Variants in AAGAB observed in about 807,000 individuals in gnomAD.
AAGAB encodes the protein alpha and gamma adaptin binding protein.
In AAGAB, 38 loss-of-function variants were observed where a neutral mutation model predicts 44.1. The ratio of observed to expected loss-of-function variants is 0.86; its 90% CI spans 0.67 to 1.13. AAGAB has a LOEUF of 1.13. AAGAB is among the 50% of genes most tolerant of loss of function. The probability of loss-of-function intolerance (pLI) is 0.00; values close to 1 mark genes in which losing one functional copy is unlikely to be tolerated. For synonymous variants in AAGAB, 131 were observed against 131.8 expected (o/e 0.99, Z 0.04); for missense variants, 450 against 373.8 (o/e 1.20, Z -1.68).
At position 67,237,644 on chromosome 15, in the gene AAGAB, G is replaced by A. The variant is rs145483342; in HGVS notation, c.74-824C>T. Among the ~76,000 whole-genome samples the A allele has an allele frequency of 9.9e-5, 15 of 152,230 alleles. No individual in the cohort carries two copies. In the East Asian group the frequency reaches 2.9e-3, roughly 29 times the overall value. On this transcript the variant is annotated intron_variant, in intron 1 of 9. Transcript: ENST00000261880. ...TGTTATACAGTATTTACAACTGGAAGAGAAGTTAGAAGTTGTTCCAACCTA... is the reference window on the plus strand; with the variant it reads ...TGTTATACAGTATTTACAACTGGAAAAGAAGTTAGAAGTTGTTCCAACCTA...
chr15:67,203,496 T>A, intron 9 of AAGAB, 52 bp downstream of exon 9: 1 of 1,457,730 alleles, frequency 6.9e-7, no homozygotes, highest in Non-Finnish European at 9.5e-7. Flanking sequence ...ATTATAATAA[T>A]AGCACTGGAC....
intron 5 of AAGAB, among the ~76,000 whole-genome samples, chr15:67,219,508 T>C (rs755554047): frequency 1.3e-5 from 2 of 152,186 alleles, no homozygotes; most frequent in Non-Finnish European, 2.9e-5. Flanking sequence ...TCATGTCCTT[T>C]ACAGCAGCAT....
intron 7 of AAGAB, among the ~76,000 whole-genome samples, chr15:67,205,764 G>A (rs1366086387): frequency 6.6e-6 from 1 of 152,178 alleles, no homozygotes; most frequent in Non-Finnish European, 1.5e-5. Context: ...ACAGACATGA[G>A]TGAGGTGAGG....
At position 67,203,587 on chromosome 15, in the gene AAGAB, C is replaced by A. The variant is rs749299363; in HGVS notation, c.831G>T (p.Ala277=). 2.2e-5 allele frequency: 36 copies of A among 1,613,430 alleles called. No individual in the cohort carries two copies. Among genetic ancestry groups the A allele is most frequent in the Middle Eastern group, 3.3e-4 (2 of 6,080 alleles). Residue 277 remains alanine (A), a synonymous_variant, in exon 9 of 10, where the codon GCG becomes GCT. Coordinates refer to ENST00000261880, the MANE Select transcript of AAGAB (RefSeq NM_024666.5). ...CTTTTCTTTGCTCATGAGGAAGCGT[C>A]GCAGCCTTGTCTAGGGGGAAAATAT... The part of the protein sequence containing the change: ...SKLKEMKDKA[A]TLPHEQRKVH...
chr15:67,241,125 T>C (rs139913033), intron 1 of AAGAB, among the ~76,000 whole-genome samples: 18 of 152,060 alleles, frequency 1.2e-4, no homozygotes, highest in Middle Eastern at 3.4e-3. Context: ...TGTCCTCACC[T>C]ATCCACCTCA....
At chr15:67,255,069 C>CG, upstream of AAGAB, 1 of 965,478 alleles carries the variant, frequency 1.0e-6, no homozygotes, top group Non-Finnish European at 1.6e-6. Flanking sequence ...CCCTCCAACT[C>CG]GCGAGAGGCT....
intron 5 of AAGAB, among the ~76,000 whole-genome samples, chr15:67,216,628 A>C (rs1429799224): frequency 1.3e-5 from 2 of 151,938 alleles, no homozygotes; most frequent in East Asian, 3.9e-4. Context: ...GTTGTAAAGG[A>C]AAGCTTTATT....
chr15:67,250,222 G>A (rs575271615), intron 1 of AAGAB, among the ~76,000 whole-genome samples: 1 of 152,084 alleles, frequency 6.6e-6, no homozygotes, highest in Non-Finnish European at 1.5e-5. Flanking sequence ...TGTCACCCAG[G>A]GTGGTGTGCA....
chr15:67,241,449 C>G (rs1964597302), intron 1 of AAGAB, among the ~76,000 whole-genome samples: 1 of 152,224 alleles, frequency 6.6e-6, no homozygotes, highest in Non-Finnish European at 1.5e-5. Context: ...CATAACCTCT[C>G]ACCCCAGATA....
chr15:67,247,122 G>C (rs1025294817), intron 1 of AAGAB, among the ~76,000 whole-genome samples: 2 of 152,046 alleles, frequency 1.3e-5, no homozygotes, highest in African/African-American at 2.4e-5. Context: ...CCACCTTTAA[G>C]AGCTGTAACA....
In AAGAB at chr15:67,254,595, A is replaced by G; in HGVS notation, c.37T>C (p.Cys13Arg). ...AGVPCALVTS[C>R]SSVFSGDQLV... ...TGGTCTCCTGAGAAGACGGAGGAGC[A>G]GCTGGTGACTAACGCACAGGGTACG... The change falls in exon 1 of 10, where the codon TGC (cysteine) becomes CGC (arginine). Residue 13 changes from cysteine (C) to arginine (R), a missense_variant. Cys to Arg is a radical substitution (Grantham distance 180). Transcript: ENST00000261880. 1.2e-6 allele frequency: 2 copies of G among 1,609,820 alleles called. No homozygotes were observed. Among genetic ancestry groups the G allele is most frequent in the Non-Finnish European group, 1.7e-6 (2 of 1,179,068 alleles).
At chr15:67,216,300 G>A (rs1393248546) in intron 5 of AAGAB, among the ~76,000 whole-genome samples, 1 of 151,688 alleles carries the variant, frequency 6.6e-6, no homozygotes, top group Non-Finnish European at 1.5e-5. Flanking sequence ...AAATTAGCTG[G>A]GCGTGGTGGC....
At chr15:67,241,040 T>TACACATACACACACAC (rs1555420147) in intron 1 of AAGAB, among the ~76,000 whole-genome samples, 2 of 147,076 alleles carry the variant, frequency 1.4e-5, no homozygotes, top group Non-Finnish European at 3.0e-5. Flanking sequence ...TCTGTTCTCC[T>TACACATACACACACAC]ACACACACAC....
chr15:67,254,406 G>A, intron 1 of AAGAB, 153 bp downstream of exon 1: 2 of 1,427,904 alleles, frequency 1.4e-6, no homozygotes, highest in South Asian at 1.6e-5. Flanking sequence ...AGAGATAGGG[G>A]CAGCCACCTG....
intron 8 of AAGAB, 56 bp downstream of exon 8, chr15:67,203,988 C>T (rs938657650): frequency 1.8e-5 from 20 of 1,107,248 alleles, no homozygotes; most frequent in Non-Finnish European, 2.3e-5. Context: ...AATGCTACTA[C>T]GTAAAACAGA....
intron 1 of AAGAB, among the ~76,000 whole-genome samples, chr15:67,237,305 C>G (rs1596007454): frequency 6.6e-6 from 1 of 152,212 alleles, no homozygotes. Flanking sequence ...GGACTGAATG[C>G]TTAGACATTA....
intron 5 of AAGAB, among the ~76,000 whole-genome samples, chr15:67,225,118 G>C (rs926600715): frequency 4.6e-5 from 7 of 152,194 alleles, no homozygotes; most frequent in Non-Finnish European, 1.0e-4. Context: ...GGCTCAGGTA[G>C]CATAGGTTTT....
chr15:67,228,565 G>A (rs573509454), intron 5 of AAGAB, among the ~76,000 whole-genome samples: 2 of 152,320 alleles, frequency 1.3e-5, no homozygotes, highest in African/African-American at 4.8e-5. Flanking sequence ...AAGCAGTTTG[G>A]AGACTTCTCA....
intron 1 of AAGAB, among the ~76,000 whole-genome samples, chr15:67,246,369 G>A (rs371748778): frequency 3.4e-5 from 5 of 146,426 alleles, no homozygotes; most frequent in South Asian, 2.2e-4. Flanking sequence ...TCCAGCCTGC[G>A]TGACAGAGGA....
Sources: gnomAD v4.1 joint callset for allele counts (sites outside exome capture counted in the v4.1 genomes callset) on GRCh38, gnomAD v4.1.1 for gene constraint, MANE v1.5 for transcripts, NCBI Gene and HGNC (gene_info 2026-07-23, HGNC 2026-07-21) for gene names.